The following BPIFC variants were observed in gnomAD, a reference collection of about 807,000 sequenced individuals.
The protein encoded by BPIFC is BPI fold containing family C.
Under a neutral mutation model 57.6 loss-of-function variants are expected in BPIFC, and 60 were observed. The observed-to-expected ratio is 1.04, with a 90% CI of 0.85 to 1.29. The LOEUF is 1.29. Ranked by LOEUF, BPIFC falls within the 50% of genes most tolerant of loss-of-function variation. The pLI, the probability that BPIFC is intolerant of heterozygous loss-of-function variation, is 0.00. For synonymous variants in BPIFC, 243 were observed against 224.5 expected (o/e 1.08, Z -0.74); for missense variants, 581 against 600.5 (o/e 0.97, Z 0.34).
At chr22:32,421,355 C>G (rs973895024) in intron 13 of BPIFC, among the ~76,000 whole-genome samples, 12 of 152,196 alleles carry the variant, frequency 7.9e-5, no homozygotes, top group African/African-American at 2.9e-4. Flanking sequence ...ATATTAACGG[C>G]AGATTTGTTA....
intron 1 of BPIFC, among the ~76,000 whole-genome samples, chr22:32,464,139 T>A (rs1935213183): frequency 6.6e-6 from 1 of 152,218 alleles, no homozygotes; most frequent in African/African-American, 2.4e-5. Flanking sequence ...AACCAACTCT[T>A]TTCTCTCTTA....
intron 13 of BPIFC, among the ~76,000 whole-genome samples, chr22:32,424,426 C>G (rs1344094490): frequency 1.3e-5 from 2 of 151,990 alleles, no homozygotes; most frequent in Non-Finnish European, 1.5e-5. Context: ...ACAACCAGTT[C>G]CAGTGTTTTC....
intron 13 of BPIFC, among the ~76,000 whole-genome samples, chr22:32,422,226 A>G (rs1933868969): frequency 6.6e-6 from 1 of 152,246 alleles, no homozygotes; most frequent in Non-Finnish European, 1.5e-5. Context: ...GCAGGCCAAC[A>G]GGTTACCCAG....
At chr22:32,419,743 C>T (rs1428672650) in intron 13 of BPIFC, among the ~76,000 whole-genome samples, 1 of 141,546 alleles carries the variant, frequency 7.1e-6, no homozygotes, top group African/African-American at 2.6e-5. Context: ...GAGGTGGAGG[C>T]TACAGTGAGC....
chr22:32,453,210 T>A (rs1469736261), intron 4 of BPIFC, 173 bp downstream of exon 4: 12 of 446,952 alleles, frequency 2.7e-5, no homozygotes, highest in Non-Finnish European at 4.3e-5. Flanking sequence ...GGAACCGCAG[T>A]GGCCATATTG....
intron 2 of BPIFC, among the ~76,000 whole-genome samples, chr22:32,458,718 C>T (rs1935097399): frequency 6.6e-6 from 1 of 152,116 alleles, no homozygotes; most frequent in Non-Finnish European, 1.5e-5. Context: ...CTGGGGAAGC[C>T]CTTAATCTTA....
chr22:32,426,817 G>A (rs993145189), intron 13 of BPIFC, among the ~76,000 whole-genome samples: 3 of 151,754 alleles, frequency 2.0e-5, no homozygotes, highest in Non-Finnish European at 2.9e-5. Flanking sequence ...ACTGGAACCC[G>A]GGGTGCAGAA....
chr22:32,419,451 T>C, intron 13 of BPIFC, 47 bp from the exon 14 acceptor site: 1 of 1,538,378 alleles, frequency 6.5e-7, no homozygotes, highest in Non-Finnish European at 8.9e-7. Flanking sequence ...ACAACAGCCT[T>C]AGTAGAAAGA....
chr22:32,416,140 T>C (rs56092159), intron 15 of BPIFC, 149 bp from the exon 16 acceptor site: 6,302 of 526,274 alleles, frequency 0.012, 329 homozygotes, highest in African/African-American at 0.12. Flanking sequence ...AATGTAATGG[T>C]GTGATCTTGG....
intron 13 of BPIFC, among the ~76,000 whole-genome samples, chr22:32,428,665 G>A (rs1031216529): frequency 2.0e-5 from 3 of 152,044 alleles, no homozygotes; most frequent in Non-Finnish European, 2.9e-5. Flanking sequence ...TTGGGAGGCC[G>A]AGGCCCCAGA....
intron 12 of BPIFC, 25 bp from the exon 13 acceptor site, chr22:32,431,439 A>ATTTATTTATTTATTTATTTTATTTT: frequency 7.4e-7 from 1 of 1,343,078 alleles, no homozygotes; most frequent in Non-Finnish European, 1.1e-6. Context: ...AGCATTTATT[A>ATTTATTTATTTATTTATTTTATTTT]TTAAGACGAG....
chr22:32,447,359 G>T lies in BPIFC; in HGVS notation c.246-19C>A, dbSNP rs548420887. On this transcript the variant is annotated intron_variant, in intron 4 of 16. Transcript: ENST00000300399. The stretch of plus-strand genomic sequence containing the variant: ...TTTTATACTGTAAAACCAGAAACAA[G>T]AAGTTAGGGCGACTCTTCCAGCACA... The T allele has an allele frequency of 9.3e-6, 15 of 1,607,754 alleles. No homozygotes were observed. The African/African-American group carries it at 1.7e-4, about 19-fold the overall frequency.
intron 4 of BPIFC, among the ~76,000 whole-genome samples, chr22:32,452,654 C>A (rs1934927786): frequency 6.7e-6 from 1 of 149,642 alleles, no homozygotes; most frequent in Non-Finnish European, 1.5e-5. Flanking sequence ...AAAAAAAACA[C>A]AAAAAACAAA....
In BPIFC at chr22:32,440,859, C is replaced by A. The variant is rs112831683; in HGVS notation, c.655+1812G>T. 7.0e-4 allele frequency among the ~76,000 whole-genome samples: 107 copies of A among 152,290 alleles called. 2 individuals are homozygous for A. Among genetic ancestry groups the A allele is most frequent in the African/African-American group, 2.4e-3 (101 of 41,576 alleles). ...CATTAATTGTATGGGTCACTGCACT[C>A]ATCTCTTAAGTAGTCTCTTTGCTTT... On this transcript the variant is annotated intron_variant, in intron 8 of 16. Transcript: ENST00000300399.
intron 4 of BPIFC, among the ~76,000 whole-genome samples, chr22:32,448,213 C>T (rs542722730): frequency 9.9e-5 from 15 of 152,002 alleles, no homozygotes; most frequent in Non-Finnish European, 2.1e-4. Context: ...GGACTACAGG[C>T]GCATGCCACC....
At position 32,431,333 on chromosome 22, in the gene BPIFC, T is replaced by C. The variant is rs762359236; in HGVS notation, c.1217+14A>G. 6.2e-6 allele frequency: 10 copies of C among 1,605,842 alleles called. No individual in the cohort carries two copies. The highest frequency in any genetic ancestry group is 3.3e-5 in the South Asian group (3 of 90,532). On this transcript the variant is annotated intron_variant, in intron 13 of 16. Transcript: ENST00000300399. ...TTACTAAGGTGCCCCAACAGTCAAA[T>C]TGATTGATCTTACCTGTTCAGAGAC...
intron 16 of BPIFC, among the ~76,000 whole-genome samples, chr22:32,415,238 C>T (rs890665227): frequency 1.3e-5 from 2 of 152,126 alleles, no homozygotes; most frequent in South Asian, 2.1e-4. Context: ...GTTCACTCCT[C>T]GGCCGCTCAC....
chr22:32,438,192 G>A (rs1934464520), intron 8 of BPIFC, among the ~76,000 whole-genome samples: 1 of 151,972 alleles, frequency 6.6e-6, no homozygotes, highest in Admixed American at 6.6e-5. Context: ...TGTAATAAAA[G>A]GAATGTGAAT....
chr22:32,436,971 T>C lies in BPIFC; in HGVS notation c.747+789A>G, dbSNP rs1323098918. Among the ~76,000 whole-genome samples, 5 of 152,330 alleles carry C rather than the reference T, an allele frequency of 3.3e-5. No homozygotes were observed. The South Asian group carries it at 1.0e-3, about 32-fold the overall frequency. On this transcript the variant is annotated intron_variant, in intron 9 of 16. Transcript: ENST00000300399. ...CAATGATATTAGCTTTGGGGCAAAA[T>C]GAAACATAACCACAATGATTGTTTT...
Sources: gnomAD v4.1 joint callset for allele counts (sites outside exome capture counted in the v4.1 genomes callset) on GRCh38, gnomAD v4.1.1 for gene constraint, MANE v1.5 for transcripts, NCBI Gene and HGNC (gene_info 2026-07-23, HGNC 2026-07-21) for gene names.